PTPRS: variants seen among roughly 807,000 people sequenced by gnomAD.
PTPRS encodes protein tyrosine phosphatase receptor type S.
Under a neutral mutation model 215.3 loss-of-function variants are expected in PTPRS, and 63 were observed. The observed-to-expected ratio is 0.29, with a 90% CI of 0.24 to 0.36. PTPRS has a LOEUF of 0.36. Ranked by LOEUF, PTPRS falls within the 10% of genes least tolerant of loss-of-function variation. The probability of loss-of-function intolerance (pLI) is 1.00; values close to 1 mark genes in which losing one functional copy is unlikely to be tolerated. For synonymous variants in PTPRS, 1,404 were observed against 1,191.4 expected (o/e 1.18, Z -3.68); for missense variants, 2,258 against 2,825.8 (o/e 0.80, Z 4.56).
At position 5,339,528 on chromosome 19, in the gene PTPRS, A is replaced by AG. The variant is rs552414910; in HGVS notation, c.-95+1135dup. On this transcript the variant is annotated intron_variant, in intron 1 of 37. Transcript: ENST00000262963. The surrounding 1 kb of genome is among the most constrained non-coding windows in gnomAD (Gnocchi z 4.2). ...CGAAGGGGAGTTCCCCAATTTGGGA[A>AG]GGGGGGGAATTGGTGGGAAATGTCC... Among the ~76,000 whole-genome samples the AG allele has an allele frequency of 6.7e-6, 1 of 150,214 alleles. No homozygotes were observed. Among genetic ancestry groups the AG allele is most frequent in the African/African-American group, 2.5e-5 (1 of 40,748 alleles).
intron 4 of PTPRS, among the ~76,000 whole-genome samples, chr19:5,269,724 C>T (rs1244309113): frequency 6.6e-6 from 1 of 152,026 alleles, no homozygotes; most frequent in African/African-American, 2.4e-5. Context: ...AGTTCAAGAC[C>T]AGTCTGACCA....
intron 4 of PTPRS, among the ~76,000 whole-genome samples, chr19:5,265,541 T>C (rs1023874227): frequency 6.6e-6 from 1 of 152,078 alleles, no homozygotes; most frequent in African/African-American, 2.4e-5. Context: ...GGGGTCTCGC[T>C]GTGTTGTCCA....
intron 2 of PTPRS, among the ~76,000 whole-genome samples, chr19:5,276,176 T>A (rs538958178): frequency 6.6e-6 from 1 of 152,310 alleles, no homozygotes; most frequent in Admixed American, 6.5e-5. Flanking sequence ...GACGATCTGA[T>A]GTATTCATTC....
chr19:5,252,905 A>G (rs984000260), intron 9 of PTPRS, among the ~76,000 whole-genome samples: 2 of 151,950 alleles, frequency 1.3e-5, no homozygotes, highest in Non-Finnish European at 2.9e-5. Context: ...AAGTAAAAGA[A>G]AAAGAAAATT....
chr19:5,207,749 T>C (rs2040495160), intron 37 of PTPRS, among the ~76,000 whole-genome samples, 173 bp downstream of exon 37: 1 of 152,184 alleles, frequency 6.6e-6, no homozygotes, highest in South Asian at 2.1e-4. Flanking sequence ...CTGACTGTTG[T>C]GTTAAAAGGG....
intron 2 of PTPRS, among the ~76,000 whole-genome samples, chr19:5,284,635 G>A (rs559328263): frequency 6.6e-6 from 1 of 152,102 alleles, no homozygotes; most frequent in South Asian, 2.1e-4. Flanking sequence ...TGAATGTATA[G>A]GGGCATTTAC....
intron 5 of PTPRS, among the ~76,000 whole-genome samples, chr19:5,263,638 CACAG>C (rs1440286940): frequency 2.6e-5 from 4 of 152,236 alleles, no homozygotes; most frequent in Non-Finnish European, 5.9e-5. Flanking sequence ...AAATCCGTGA[CACAG>C]ACAAACACGC....
At chr19:5,216,063 G>T (rs1383247080) in intron 26 of PTPRS, among the ~76,000 whole-genome samples, 2 of 152,174 alleles carry the variant, frequency 1.3e-5, no homozygotes, top group African/African-American at 2.4e-5. Flanking sequence ...GTCCCTCTGG[G>T]ATCAGAGGCA....
Position 5,238,975 on chromosome 19 carries a change from G to A in PTPRS, c.1793C>T (p.Ser598Leu), listed in dbSNP as rs756351666. Residue 598 changes from serine to leucine, a missense_variant, in exon 13 of 38, where the codon TCG (serine) becomes TTG (leucine). Physicochemically the swap from Ser to Leu is moderately radical, Grantham distance 145 (BLOSUM62 -2). Coordinates refer to ENST00000262963, the MANE Select transcript of PTPRS (RefSeq NM_002850.4). ...TEYAFRLAAR[S>L]PQGLGAFTPV... ...GGTGAAGGCGCCCAGGCCCTGCGGC[G>A]AGCGGGCCGCCAGGCGGAAGGCGTA... The A allele has an allele frequency of 1.3e-5, 21 of 1,612,956 alleles. No individual in the cohort carries two copies. The highest frequency in any genetic ancestry group is 1.7e-5 in the Non-Finnish European group (20 of 1,179,686).
At chr19:5,288,651 G>A (rs1292902690) in intron 1 of PTPRS, among the ~76,000 whole-genome samples, 1 of 152,204 alleles carries the variant, frequency 6.6e-6, no homozygotes, top group Non-Finnish European at 1.5e-5. Context: ...TTGAGCAGCT[G>A]GGCAGGCCTG....
chr19:5,212,141 G>A lies in PTPRS; in HGVS notation c.4879C>T (p.Gln1627Ter). Residue 1627 changes from glutamine to a stop codon, truncating the protein, a stop_gained, in exon 32 of 38, where the codon CAG (glutamine) becomes TAG (stop). Transcript: ENST00000262963. LOFTEE classifies it high-confidence loss of function. ...VYGHVTLMRS[Q>*]RNYMVQTEDQ... is the part of the protein sequence containing the mutation. ...TCCGTCTGCACCATGTAGTTGCGCT[G>A]GGACCTCATGAGCGTCACGTGGCCA... The A allele has an allele frequency of 6.2e-7, 1 of 1,614,108 alleles. No homozygotes were observed. Among genetic ancestry groups the A allele is most frequent in the Non-Finnish European group, 8.5e-7 (1 of 1,180,048 alleles).
intron 4 of PTPRS, among the ~76,000 whole-genome samples, chr19:5,267,481 AC>A (rs2046498501): frequency 1.3e-5 from 2 of 151,716 alleles, no homozygotes; most frequent in Admixed American, 1.3e-4. Flanking sequence ...ACATGGTGAA[AC>A]CCCGTCTCTA....
rs1201293223 is a variant in PTPRS, at chr19:5,268,675, A to G, written c.380-3479T>C. On this transcript the variant is annotated intron_variant, in intron 4 of 37. Transcript: ENST00000262963. The stretch of plus-strand genomic sequence containing the variant: ...AAAGCCCCAGTGGAAAGCCCTGAGC[A>G]CTAACAGCATCCCAGGCGCAGCGCA... 2.6e-5 allele frequency among the ~76,000 whole-genome samples: 4 copies of G among 152,180 alleles called. No homozygotes were observed. In the East Asian group the frequency reaches 7.7e-4, roughly 29 times the overall value.
At chr19:5,263,728 G>A (rs1874198291) in intron 5 of PTPRS, among the ~76,000 whole-genome samples, 2 of 152,382 alleles carry the variant, frequency 1.3e-5, no homozygotes, top group African/African-American at 4.8e-5. Context: ...CGAGCACTAG[G>A]GAGGTGCAGG....
rs35322804 is a variant in PTPRS at position 5,333,961 on chromosome 19, TC to T, written c.-95+6702del. 2.2e-4 allele frequency among the ~76,000 whole-genome samples: 30 copies of T among 136,726 alleles called. No individual in the cohort carries two copies. In the East Asian group the frequency reaches 5.4e-3, roughly 24 times the overall value. The allele number at this position is 136,726 out of a possible 152,430, so 89.7% of individuals were successfully genotyped here. A position where few individuals can be genotyped will look rare whatever the true frequency, so the allele number is the denominator to read the frequency against. Reference sequence around the variant, plus strand: ...AAATGACTGCTGTTAAACCCCCAAATCCCCCCCAAACTCCCCCCTTTGGTGA... The same window carrying T: ...AAATGACTGCTGTTAAACCCCCAAATCCCCCCAAACTCCCCCCTTTGGTGA... On this transcript the variant is annotated intron_variant, in intron 1 of 37. Transcript: ENST00000262963.
At chr19:5,324,085 C>T (rs2050103643) in intron 1 of PTPRS, among the ~76,000 whole-genome samples, 1 of 151,740 alleles carries the variant, frequency 6.6e-6, no homozygotes, top group Non-Finnish European at 1.5e-5. Context: ...CAAAAATCAG[C>T]CAGCATGGTG....
At chr19:5,298,622 G>A (rs1045312751) in intron 1 of PTPRS, among the ~76,000 whole-genome samples, 3 of 152,190 alleles carry the variant, frequency 2.0e-5, no homozygotes, top group Admixed American at 6.5e-5. Flanking sequence ...AACCAGCCAG[G>A]AGCCCGCCTC....
At chr19:5,315,760 C>T (rs951198330) in intron 1 of PTPRS, among the ~76,000 whole-genome samples, 3 of 147,628 alleles carry the variant, frequency 2.0e-5, no homozygotes, top group East Asian at 2.0e-4. Flanking sequence ...CTGAGGAGCT[C>T]GGAACACAGG....
At chr19:5,292,133 C>G (rs1041134233) in intron 1 of PTPRS, among the ~76,000 whole-genome samples, 7 of 152,160 alleles carry the variant, frequency 4.6e-5, no homozygotes, top group Admixed American at 3.9e-4. Flanking sequence ...GTGGGTCTGT[C>G]AACCCCCTGG....
Sources: gnomAD v4.1 joint callset for allele counts (sites outside exome capture counted in the v4.1 genomes callset) on GRCh38, gnomAD v4.1.1 for gene constraint, Gnocchi (gnomAD v3.1) non-coding constraint, MANE v1.5 for transcripts, NCBI Gene and HGNC (gene_info 2026-07-23, HGNC 2026-07-21) for gene names.